Variants in ARVCF observed in about 807,000 individuals in gnomAD.
ARVCF encodes splicing regulator ARVCF.
ARVCF carries 66 observed loss-of-function variants against 90.9 expected under a neutral mutation model. The ratio of observed to expected loss-of-function variants is 0.73; its 90% confidence interval spans 0.60 to 0.89. The LOEUF (loss-of-function observed/expected upper bound fraction) is 0.89. Among genes scored for constraint, ARVCF ranks in the 40% least tolerant of loss-of-function variants. The pLI is 0.00. For missense variants in ARVCF, 1,469 were observed against 1,382.3 expected, an observed-to-expected ratio of 1.06 and a Z score of -1.00; for synonymous variants, 653 against 603.4, an observed-to-expected ratio of 1.08 and a Z score of -1.21.
chr22:19,971,552 G>A (rs1247993581), intron 18 of ARVCF, among the ~76,000 whole-genome samples: 2 of 152,202 alleles, frequency 1.3e-5, no homozygotes, highest in East Asian at 3.8e-4. Flanking sequence ...GAAGCCAGGG[G>A]ATTGGCACAC....
At chr22:20,011,803 C>T (rs1944841919) in intron 1 of ARVCF, among the ~76,000 whole-genome samples, 1 of 152,138 alleles carries the variant, frequency 6.6e-6, no homozygotes, top group African/African-American at 2.4e-5. Flanking sequence ...TTCTAGGAAA[C>T]CTCTGGTTTT....
chr22:19,966,166 T>C (rs1413238164), downstream of ARVCF, among the ~76,000 whole-genome samples: 1 of 152,176 alleles, frequency 6.6e-6, no homozygotes, highest in African/African-American at 2.4e-5. Context: ...AGTCATGAAT[T>C]GGGAATGGGT....
At position 19,981,403 on chromosome 22, in the gene ARVCF, G is replaced by T. The variant is rs1186218913; in HGVS notation, c.704C>A (p.Ala235Asp). The T allele has an allele frequency of 6.3e-7, 1 of 1,584,410 alleles. No individual in the cohort carries two copies. Among genetic ancestry groups the T allele is most frequent in the East Asian group, 2.3e-5 (1 of 43,314 alleles). ...GCFTLPGHRE[A>D]FPVGPEPGPP... ...CCCAGGCTCAGGACCCACCGGGAAG[G>T]CTTCCCGGTGGCCAGGCAGTGTGAA... Residue 235 changes from alanine to aspartate, a missense_variant, in exon 5 of 20, where the codon GCC becomes GAC. Coordinates refer to ENST00000263207, the MANE Select transcript of ARVCF (RefSeq NM_001670.3).
intron 5 of ARVCF, 196 bp downstream of exon 5, chr22:19,981,015 C>T (rs1943461040): frequency 4.5e-6 from 3 of 663,152 alleles, no homozygotes; most frequent in Non-Finnish European, 7.2e-6. Flanking sequence ...CCTGGGCCTG[C>T]AGGACAGTGC....
chr22:19,996,878 G>A (rs1473925194), intron 2 of ARVCF, among the ~76,000 whole-genome samples: 1 of 152,228 alleles, frequency 6.6e-6, no homozygotes, highest in Non-Finnish European at 1.5e-5. Flanking sequence ...AGCCAGGCTG[G>A]ATGAGACGCC....
chr22:19,967,816 G>C, downstream of ARVCF: 1 of 223,584 alleles, frequency 4.5e-6, no homozygotes, highest in Non-Finnish European at 9.0e-6. Flanking sequence ...AAGGTTTCTT[G>C]TTTATGTGAT....
At chr22:19,966,436 TAAAAAAAAA>T (rs362115), downstream of ARVCF, among the ~76,000 whole-genome samples, 1 of 135,304 alleles carries the variant, frequency 7.4e-6, no homozygotes, top group Non-Finnish European at 1.6e-5. Flanking sequence ...AGTTCCCCCT[TAAAAAAAAA>T]AAAAAAAAAA....
At position 19,971,229 on chromosome 22, in the gene ARVCF, T is replaced by G; in HGVS notation, c.2888A>C (p.Ter963SerextTer13). The G allele has an allele frequency of 6.4e-7, 1 of 1,553,642 alleles. No individual in the cohort carries two copies. Among genetic ancestry groups the G allele is most frequent in the Non-Finnish European group, 8.7e-7 (1 of 1,147,830 alleles). ...GAGAGAACGTACCAGGCATGCAAGC[T>G]AGACCCAGGAATCAACGGGCTGAGG... ...AKPQPVDSWV* is the reference protein window; with the variant it reads ...AKPQPVDSWVS The change falls in exon 19 of 20, where the codon TAG (stop) becomes TCG (serine). Residue 963 changes from the stop codon to serine, a stop_lost. Transcript: ENST00000263207.
At chr22:19,977,267 C>G in intron 9 of ARVCF, 148 bp downstream of exon 9, 1 of 1,116,260 alleles carries the variant, frequency 9.0e-7, no homozygotes, top group South Asian at 2.2e-5. Context: ...AGTCCAGCCT[C>G]CTTGACTCCT....
chr22:19,972,212 G>A (rs972096562), intron 17 of ARVCF, 146 bp downstream of exon 17: 21 of 1,120,146 alleles, frequency 1.9e-5, no homozygotes, highest in East Asian at 1.8e-4. Context: ...CTCTCTAGCT[G>A]CCCTGTACCT....
intron 5 of ARVCF, chr22:19,980,468 A>T: frequency 1.8e-6 from 1 of 555,712 alleles, no homozygotes; most frequent in Non-Finnish European, 2.8e-6. Flanking sequence ...GGCTACCAGG[A>T]CCCAGGCAAC....
chr22:19,997,379 G>C (rs1320100030), intron 2 of ARVCF, among the ~76,000 whole-genome samples: 1 of 152,214 alleles, frequency 6.6e-6, no homozygotes, highest in Non-Finnish European at 1.5e-5. Flanking sequence ...CTGGGCTTAA[G>C]ATTCTCAATC....
chr22:19,993,423 G>A (rs1944104082), intron 2 of ARVCF, among the ~76,000 whole-genome samples: 1 of 152,248 alleles, frequency 6.6e-6, no homozygotes, highest in East Asian at 1.9e-4. Flanking sequence ...GGATTCTTAA[G>A]ATCGATGGGG....
intron 3 of ARVCF, chr22:19,987,262 G>A: frequency 3.2e-6 from 1 of 316,630 alleles, no homozygotes; most frequent in Non-Finnish European, 5.7e-6. Context: ...GCCGCGCCCA[G>A]GTGGGGCGTG....
intron 3 of ARVCF, chr22:19,987,215 T>C (rs1295746688): frequency 7.0e-5 from 25 of 359,226 alleles, no homozygotes; most frequent in East Asian, 4.1e-5. Flanking sequence ...CGGGGGCGGA[T>C]CTGGCGGCGG....
chr22:19,994,990 T>C (rs145983833), intron 2 of ARVCF, among the ~76,000 whole-genome samples: 1 of 150,550 alleles, frequency 6.6e-6, no homozygotes, highest in Non-Finnish European at 1.5e-5. Context: ...GACGGGTGAA[T>C]GGATAGGGAG....
chr22:19,966,458 A>G (rs951752687), downstream of ARVCF, among the ~76,000 whole-genome samples: 1 of 151,398 alleles, frequency 6.6e-6, no homozygotes, highest in African/African-American at 2.4e-5. Context: ...AAAAAAAAGA[A>G]AAAGACAGAG....
intron 2 of ARVCF, among the ~76,000 whole-genome samples, chr22:19,995,430 T>C (rs1944210600): frequency 6.6e-6 from 1 of 151,844 alleles, no homozygotes; most frequent in Admixed American, 6.6e-5. Flanking sequence ...AAGGAAATGC[T>C]GGAACCTCAC....
chr22:19,987,775 G>C (rs73880050), intron 3 of ARVCF, among the ~76,000 whole-genome samples: 2,595 of 152,174 alleles, frequency 0.017, 69 homozygotes, highest in African/African-American at 0.052. Flanking sequence ...GAGTTCGATG[G>C]GGACCTGGAA....
Sources: allele counts gnomAD v4.1 joint callset (sites outside exome capture counted in the v4.1 genomes callset), GRCh38; gene constraint gnomAD v4.1.1; transcripts MANE v1.5; gene names NCBI Gene and HGNC (gene_info 2026-07-23, HGNC 2026-07-21).